The following SORCS2 variants were observed in gnomAD, a reference collection of about 807,000 sequenced individuals.
The protein encoded by SORCS2 is sortilin related VPS10 domain containing receptor 2, also known as VPS10 domain-containing receptor SorCS2.
In SORCS2, 100 loss-of-function variants were observed where a neutral mutation model predicts 141.6. That is an observed-to-expected ratio of 0.71 (90% CI 0.60 to 0.83). The LOEUF is 0.83. Ranked by LOEUF, SORCS2 falls within the 40% of genes least tolerant of loss-of-function variation. The probability of loss-of-function intolerance (pLI) is 0.00; values close to 1 mark genes in which losing one functional copy is unlikely to be tolerated. For synonymous variants in SORCS2, 789 were observed against 676.9 expected (o/e 1.17, Z -2.57); for missense variants, 1,646 against 1,560.2 (o/e 1.05, Z -0.93).
chr4:7,369,877 C>T (rs1019593063), intron 1 of SORCS2, among the ~76,000 whole-genome samples: 91 of 152,364 alleles, frequency 6.0e-4, no homozygotes, highest in African/African-American at 1.2e-3. Flanking sequence ...CCGGAGCTTT[C>T]GCACACAGTG....
chr4:7,450,904 G>C lies in SORCS2; in HGVS notation c.548+54549G>C, dbSNP rs368401711. ...ACTGAGTGGGTGAATGAGTGAGGGA[G>C]TGAATGAATGAATGAGGAAGTGAGG... On this transcript the variant is annotated intron_variant, in intron 2 of 26. Transcript: ENST00000507866. Among the ~76,000 whole-genome samples the C allele has an allele frequency of 2.0e-4, 30 of 151,404 alleles. No individual in the cohort carries two copies. In the East Asian group the frequency reaches 5.7e-3, roughly 29 times the overall value.
At chr4:7,327,265 TG>T (rs1447272904) in intron 1 of SORCS2, among the ~76,000 whole-genome samples, 1 of 152,188 alleles carries the variant, frequency 6.6e-6, no homozygotes, top group Non-Finnish European at 1.5e-5. Flanking sequence ...CAGGAGGCTT[TG>T]GGGGAGGATC....
At chr4:7,671,978 C>G (rs1722828438) in intron 8 of SORCS2, among the ~76,000 whole-genome samples, 1 of 146,424 alleles carries the variant, frequency 6.8e-6, no homozygotes, top group Non-Finnish European at 1.5e-5. Flanking sequence ...GAATCTCCCT[C>G]TGTCACCCAG....
At chr4:7,534,350 C>T (rs1238728239) in intron 3 of SORCS2, among the ~76,000 whole-genome samples, 1 of 152,164 alleles carries the variant, frequency 6.6e-6, no homozygotes, top group Non-Finnish European at 1.5e-5. Flanking sequence ...CAGGGAGCCA[C>T]AGGTGTCTCA....
chr4:7,673,755 C>G (rs1038041326), intron 8 of SORCS2, among the ~76,000 whole-genome samples: 5 of 152,292 alleles, frequency 3.3e-5, no homozygotes, highest in Middle Eastern at 3.4e-3. Context: ...ATAGGAGGCA[C>G]CATGTGACTT....
intron 1 of SORCS2, among the ~76,000 whole-genome samples, chr4:7,336,327 C>T (rs1347260967): frequency 6.6e-6 from 1 of 152,172 alleles, no homozygotes; most frequent in Non-Finnish European, 1.5e-5. Flanking sequence ...GGCGGTGTCT[C>T]CCAGTGGAGA....
At chr4:7,478,467 G>A (rs1730436155) in intron 2 of SORCS2, among the ~76,000 whole-genome samples, 1 of 151,698 alleles carries the variant, frequency 6.6e-6, no homozygotes, top group South Asian at 2.1e-4. Context: ...CCCGACCCCT[G>A]CTGAACCCTG....
intron 1 of SORCS2, among the ~76,000 whole-genome samples, chr4:7,372,900 C>T (rs1336828649): frequency 1.3e-5 from 2 of 151,926 alleles, no homozygotes; most frequent in South Asian, 2.1e-4. Context: ...CTGTTCGTGA[C>T]GTCAGGAGTT....
chr4:7,699,939 A>G lies in SORCS2; in HGVS notation c.1668+2665A>G, dbSNP rs545928492. On this transcript the variant is annotated intron_variant, in intron 12 of 26. Transcript: ENST00000507866. ...GCCCCTCTTGTCCGTCTCTCCCAGC[A>G]TCCGAGGAATCTTCTGAAAGGGAAT... Among the ~76,000 whole-genome samples the G allele has an allele frequency of 2.0e-5, 3 of 152,278 alleles. No individual in the cohort carries two copies. The East Asian group carries it at 5.8e-4, about 30-fold the overall frequency.
intron 1 of SORCS2, among the ~76,000 whole-genome samples, chr4:7,259,483 G>A (rs1007384025): frequency 1.3e-5 from 2 of 152,202 alleles, no homozygotes; most frequent in South Asian, 2.1e-4. Context: ...TGCTGAGGGC[G>A]CTCTTCCTGG....
intron 1 of SORCS2, among the ~76,000 whole-genome samples, chr4:7,387,902 A>C (rs1217088926): frequency 1.5e-5 from 1 of 68,206 alleles, no homozygotes; most frequent in African/African-American, 7.1e-5. Flanking sequence ...GCACACAGAG[A>C]TATACACACA....
chr4:7,448,505 CA>C (rs1728155090), intron 2 of SORCS2, among the ~76,000 whole-genome samples: 1 of 145,316 alleles, frequency 6.9e-6, no homozygotes, highest in Non-Finnish European at 1.5e-5. Context: ...CTTTCCTTTC[CA>C]TCTCCCTCCC....
intron 3 of SORCS2, among the ~76,000 whole-genome samples, chr4:7,564,656 G>A (rs189966904): frequency 5.3e-5 from 8 of 152,346 alleles, no homozygotes; most frequent in Non-Finnish European, 8.8e-5. Flanking sequence ...TCACCAGCCG[G>A]GAGGTGGCTG....
At chr4:7,438,621 G>C (rs1024538401) in intron 2 of SORCS2, among the ~76,000 whole-genome samples, 5 of 151,072 alleles carry the variant, frequency 3.3e-5, no homozygotes, top group African/African-American at 1.2e-4. Flanking sequence ...CCTTCCTTCT[G>C]TTCCCTTTCT....
intron 18 of SORCS2, among the ~76,000 whole-genome samples, chr4:7,719,671 GT>G (rs1347180554): frequency 2.6e-5 from 4 of 152,222 alleles, no homozygotes; most frequent in Non-Finnish European, 5.9e-5. Flanking sequence ...TGCCCCGCCT[GT>G]CCCGCTTGGA....
chr4:7,348,734 G>T (rs749758718), intron 1 of SORCS2, among the ~76,000 whole-genome samples: 17 of 152,062 alleles, frequency 1.1e-4, no homozygotes, highest in Admixed American at 2.6e-4. Context: ...TGTATTTTTG[G>T]TAGAGATGGG....
intron 1 of SORCS2, among the ~76,000 whole-genome samples, chr4:7,246,335 A>G (rs116773987): frequency 6.6e-6 from 1 of 152,178 alleles, no homozygotes. Context: ...CCAGGGTGTT[A>G]TTATGGCTTA....
intron 1 of SORCS2, among the ~76,000 whole-genome samples, chr4:7,299,604 C>T (rs1717305330): frequency 6.6e-6 from 1 of 152,166 alleles, no homozygotes; most frequent in South Asian, 2.1e-4. Flanking sequence ...GTTGTCCTTT[C>T]TTCTTAAAGC....
chr4:7,403,982 TATATATATATA>T (rs1724776633), intron 2 of SORCS2, among the ~76,000 whole-genome samples: 2 of 19,794 alleles, frequency 1.0e-4, no homozygotes, highest in Admixed American at 1.4e-3. Context: ...TATATATATA[TATATATATATA>T]TATATTTTTT....
Sources: gnomAD v4.1 joint callset for allele counts (sites outside exome capture counted in the v4.1 genomes callset) on GRCh38, gnomAD v4.1.1 for gene constraint, MANE v1.5 for transcripts, NCBI Gene and HGNC (gene_info 2026-07-23, HGNC 2026-07-21) for gene names.